ADAM19: variants seen among roughly 807,000 people sequenced by gnomAD.
The protein encoded by ADAM19 is disintegrin and metalloproteinase domain-containing protein 19.
A neutral mutation model predicts 114.7 loss-of-function variants in ADAM19; 65 were observed. The observed-to-expected ratio is 0.57, with a 90% CI of 0.46 to 0.70. ADAM19 has a LOEUF of 0.70. ADAM19 is among the 30% of genes least tolerant of loss of function. The probability of loss-of-function intolerance (pLI) is 0.00; values close to 1 mark genes in which losing one functional copy is unlikely to be tolerated. For missense variants in ADAM19, 1,063 were observed against 1,204.7 expected (o/e 0.88, Z 1.74); for synonymous variants, 466 against 460.5 (o/e 1.01, Z -0.15).
intron 7 of ADAM19, among the ~76,000 whole-genome samples, chr5:157,515,940 G>T (rs1581319437): frequency 6.6e-6 from 1 of 152,110 alleles, no homozygotes; most frequent in South Asian, 2.1e-4. Context: ...CATTTTTACT[G>T]CTGACAACTC....
intron 3 of ADAM19, among the ~76,000 whole-genome samples, 184 bp downstream of exon 3, chr5:157,564,189 T>A (rs1182530300): frequency 4.6e-5 from 7 of 152,184 alleles, no homozygotes; most frequent in Admixed American, 4.6e-4. Context: ...AGTCCAGCAA[T>A]CTCACATCGA....
At chr5:157,511,249 C>T (rs150946298) in intron 8 of ADAM19, among the ~76,000 whole-genome samples, 1 of 152,240 alleles carries the variant, frequency 6.6e-6, no homozygotes, top group African/African-American at 2.4e-5. Context: ...CATCTTTATC[C>T]AAAATTGGTA....
intron 11 of ADAM19, among the ~76,000 whole-genome samples, chr5:157,504,988 A>G (rs184205806): frequency 0.015 from 2,273 of 151,962 alleles, 25 homozygotes; most frequent in Non-Finnish European, 0.026. Flanking sequence ...GCATGGTGGC[A>G]GGCGCCTGTA....
intron 3 of ADAM19, among the ~76,000 whole-genome samples, chr5:157,544,335 A>T (rs1032576110): frequency 2.0e-5 from 3 of 152,220 alleles, no homozygotes; most frequent in African/African-American, 4.8e-5. Flanking sequence ...GGAAGTTTCC[A>T]AACAATGCGT....
At position 157,570,947 on chromosome 5, in the gene ADAM19, T is replaced by C. The variant is rs371085211; in HGVS notation, c.128A>G (p.His43Arg). 14 of 1,614,088 alleles carry C rather than the reference T, an allele frequency of 8.7e-6. No homozygotes were observed. The East Asian group carries it at 1.6e-4, about 18-fold the overall frequency. ...GSEEGSPKLQ[H>R]ELIIPQWKTS... ...CTTCCACTGAGGTATGATAAGTTCATGCTGCAGCTTGGGGCTGCCTTCCTC... is the reference window on the plus strand; with the variant it reads ...CTTCCACTGAGGTATGATAAGTTCACGCTGCAGCTTGGGGCTGCCTTCCTC... Residue 43 changes from histidine (H) to arginine (R), a missense_variant, in exon 2 of 23, where the codon CAT becomes CGT. By Grantham distance (29) the His-to-Arg change is conservative. This residue lies in a region of ADAM19 where 615 missense variants were observed against 706.3 expected (regional missense o/e 0.87). Coordinates refer to ENST00000257527, the MANE Select transcript of ADAM19 (RefSeq NM_033274.5).
intron 7 of ADAM19, among the ~76,000 whole-genome samples, chr5:157,517,702 A>G (rs1756133353): frequency 6.6e-6 from 1 of 152,226 alleles, no homozygotes; most frequent in Admixed American, 6.5e-5. Context: ...CTTGAGATCT[A>G]TATATCCAGG....
rs60209034 is a variant in ADAM19, at chr5:157,494,263, AGATGGATGGATG to A, written c.1703+412_1703+423del. On this transcript the variant is annotated intron_variant, in intron 15 of 22. Coordinates refer to ENST00000257527, the MANE Select transcript of ADAM19 (RefSeq NM_033274.5). ...GTGAGTGGGTGGTAGATGGATGGATAGATGGATGGATGGATGGATGGATGGATGGGTAGACAG... is the reference window on the plus strand; with the variant it reads ...GTGAGTGGGTGGTAGATGGATGGATAGATGGATGGATGGATGGGTAGACAG... Among the ~76,000 whole-genome samples, 11 of 151,010 alleles carry A rather than the reference AGATGGATGGATG, an allele frequency of 7.3e-5. No individual in the cohort carries two copies. The East Asian group carries it at 1.8e-3, about 24-fold the overall frequency.
In ADAM19 at chr5:157,489,179, A is replaced by G. The variant is rs1755063228; in HGVS notation, c.2248T>C (p.Phe750Leu). ...SKLRQQFSCP[F>L]RVSQNSGTGH... ...GTCCCGCTGTTCTGAGAAACCCTGA[A>G]GGGACAACTAGAAACAAGAAATGGG... The change falls in exon 20 of 23, where the codon TTC (phenylalanine) becomes CTC (leucine). Residue 750 changes from phenylalanine (F) to leucine (L), a missense_variant. Phe to Leu is a conservative substitution (Grantham distance 22, BLOSUM62 0). Coordinates refer to ENST00000257527, the MANE Select transcript of ADAM19 (RefSeq NM_033274.5). The G allele has an allele frequency of 6.2e-7, 1 of 1,613,240 alleles. No individual in the cohort carries two copies. The highest frequency in any genetic ancestry group is 1.1e-5 in the South Asian group (1 of 91,030).
Position 157,491,871 on chromosome 5 carries a change from T to G in ADAM19, c.1950A>C (p.Glu650Asp). 1 of 1,614,150 alleles carries G rather than the reference T, an allele frequency of 6.2e-7. No homozygotes were observed. Among genetic ancestry groups the G allele is most frequent in the Admixed American group, 1.7e-5 (1 of 60,022 alleles). ...TGCACTTCTTCCCACAGCCTTCAGT[T>G]TCAAAGAAGGAGGTGTTCCTGCACT... ...EGQCRNTSFF[E>D]TEGCGKKCNG... is the part of the protein sequence containing the mutation. Residue 650 changes from glutamate (E) to aspartate (D), a missense_variant, in exon 17 of 23, where the codon GAA (glutamate) becomes GAC (aspartate). This residue lies in a region of ADAM19 where 424 missense variants were observed against 445.5 expected (regional missense o/e 0.95). Coordinates refer to ENST00000257527, the MANE Select transcript of ADAM19 (RefSeq NM_033274.5).
At chr5:157,546,282 G>C (rs1757045536) in intron 3 of ADAM19, among the ~76,000 whole-genome samples, 1 of 152,208 alleles carries the variant, frequency 6.6e-6, no homozygotes, top group African/African-American at 2.4e-5. Flanking sequence ...TGTCTACACA[G>C]TTATGGAGAA....
At chr5:157,482,469 G>A (rs1238450637) in intron 21 of ADAM19, among the ~76,000 whole-genome samples, 1 of 152,186 alleles carries the variant, frequency 6.6e-6, no homozygotes, top group Non-Finnish European at 1.5e-5. Flanking sequence ...TAGTCATGAA[G>A]TCTTTGCCCA....
chr5:157,525,727 G>C (rs548052171), intron 5 of ADAM19, among the ~76,000 whole-genome samples: 3 of 152,350 alleles, frequency 2.0e-5, no homozygotes, highest in Non-Finnish European at 2.9e-5. Context: ...TATGTAGCTA[G>C]ATCTTAAACG....
At chr5:157,537,711 T>C (rs1396975113) in intron 4 of ADAM19, among the ~76,000 whole-genome samples, 1 of 152,242 alleles carries the variant, frequency 6.6e-6, no homozygotes. Context: ...TATGTTTCTT[T>C]AGCCATTGTA....
intron 12 of ADAM19, 61 bp from the exon 13 acceptor site, chr5:157,499,723 C>T (rs1271902553): frequency 1.8e-6 from 2 of 1,138,484 alleles, no homozygotes; most frequent in East Asian, 2.6e-5. Context: ...CAACATTTTC[C>T]CCACCCTTGC....
At chr5:157,514,346 T>G (rs1375114471) in intron 7 of ADAM19, among the ~76,000 whole-genome samples, 1 of 151,466 alleles carries the variant, frequency 6.6e-6, no homozygotes, top group Non-Finnish European at 1.5e-5. Context: ...TTTTTTTTTT[T>G]GAGACAGAGT....
chr5:157,504,168 G>A (rs1755660571), intron 11 of ADAM19, among the ~76,000 whole-genome samples: 1 of 152,336 alleles, frequency 6.6e-6, no homozygotes, highest in Middle Eastern at 3.4e-3. Context: ...TAGATTGAGA[G>A]AGAAAGGGGT....
At chr5:157,562,333 T>C (rs1034580394) in intron 3 of ADAM19, among the ~76,000 whole-genome samples, 1 of 152,090 alleles carries the variant, frequency 6.6e-6, no homozygotes, top group African/African-American at 2.4e-5. Flanking sequence ...AGGAACCACA[T>C]CCAGCCCCAT....
In ADAM19 at chr5:157,507,042, G is replaced by T; in HGVS notation, c.990+14C>A. The stretch of plus-strand genomic sequence containing the variant: ...AGCGCCTTCTGCAGCGCACACACAC[G>T]GGCTGAGACTCACCATGTTGACTCC... On this transcript the variant is annotated intron_variant, in intron 10 of 22. Transcript: ENST00000257527. 6.2e-7 allele frequency: 1 copy of T among 1,612,394 alleles called. No individual in the cohort carries two copies. The highest frequency in any genetic ancestry group is 8.5e-7 in the Non-Finnish European group (1 of 1,178,682).
At position 157,509,473 on chromosome 5, in the gene ADAM19, A is replaced by G; in HGVS notation, c.739-6T>C. On this transcript the variant is annotated splice_region_variant and splice_polypyrimidine_tract_variant and intron_variant, in intron 8 of 22. Coordinates refer to ENST00000257527, the MANE Select transcript of ADAM19 (RefSeq NM_033274.5). ...ATGTTCAAGGATCGGTAAAACTGAA[A>G]GGACACAGAAAAACCACAGTATCTG... 4.4e-6 allele frequency: 7 copies of G among 1,576,592 alleles called. No individual in the cohort carries two copies. The highest frequency in any genetic ancestry group is 6.0e-6 in the Non-Finnish European group (7 of 1,157,184).
Sources: gnomAD v4.1 joint callset for allele counts (sites outside exome capture counted in the v4.1 genomes callset) on GRCh38, gnomAD v4.1.1 for gene constraint, gnomAD v4.1.1 regional missense constraint, MANE v1.5 for transcripts, NCBI Gene and HGNC (gene_info 2026-07-23, HGNC 2026-07-21) for gene names.